Variants in COL24A1 observed in about 807,000 individuals in gnomAD.
COL24A1 encodes collagen type XXIV alpha 1 chain, also known as collagen alpha-1(XXIV) chain.
COL24A1 carries 224 observed loss-of-function variants against 253.9 expected under a neutral mutation model. The ratio of observed to expected loss-of-function variants is 0.88; its 90% CI spans 0.79 to 0.99. The LOEUF is 0.99. Among genes scored for constraint, COL24A1 ranks in the 50% least tolerant of loss-of-function variants. The pLI is 0.00. For synonymous variants in COL24A1, 685 were observed against 673.7 expected (o/e 1.02, Z -0.26); for missense variants, 2,131 against 2,068.5 (o/e 1.03, Z -0.59).
intron 14 of COL24A1, among the ~76,000 whole-genome samples, chr1:86,023,556 T>A (rs553806703): frequency 6.6e-6 from 1 of 152,160 alleles, no homozygotes; most frequent in Non-Finnish European, 1.5e-5. Context: ...TGGGCTTATC[T>A]CGTTTATTCA....
chr1:85,862,904 G>T (rs1255440821), intron 37 of COL24A1, among the ~76,000 whole-genome samples: 1 of 152,114 alleles, frequency 6.6e-6, no homozygotes, highest in Non-Finnish European at 1.5e-5. Flanking sequence ...AATTACCTTG[G>T]GCAATATGGC....
rs192020954 is a variant in COL24A1, at chr1:85,805,885, C to T, written c.3951+10903G>A. Reference sequence around the variant, plus strand: ...GGTCAGGAGATCGAGACCATCCTGGCGAACATAGTGAAACCCCGTCTCTAT... The same window carrying T: ...GGTCAGGAGATCGAGACCATCCTGGTGAACATAGTGAAACCCCGTCTCTAT... On this transcript the variant is annotated intron_variant, in intron 47 of 59. Transcript: ENST00000370571. Among the ~76,000 whole-genome samples the T allele has an allele frequency of 6.1e-4, 92 of 151,970 alleles. 1 individual carries two copies. Among genetic ancestry groups the T allele is most frequent in the Non-Finnish European group, 9.6e-4 (65 of 67,962 alleles).
intron 7 of COL24A1, among the ~76,000 whole-genome samples, chr1:86,065,270 C>T (rs1701384574): frequency 6.6e-6 from 1 of 152,078 alleles, no homozygotes; most frequent in African/African-American, 2.4e-5. Flanking sequence ...TAGCTACATG[C>T]TTGATTTTCT....
intron 2 of COL24A1, among the ~76,000 whole-genome samples, chr1:86,133,521 C>T (rs1192796165): frequency 6.6e-6 from 1 of 152,052 alleles, no homozygotes; most frequent in African/African-American, 2.4e-5. Context: ...TGAGAAACGT[C>T]CCATCAATAC....
chr1:86,134,495 A>C (rs1197796702), intron 2 of COL24A1, among the ~76,000 whole-genome samples: 1 of 140,126 alleles, frequency 7.1e-6, no homozygotes, highest in Admixed American at 7.2e-5. Context: ...TAGTGCTATA[A>C]ATTTCCCTCT....
intron 19 of COL24A1, among the ~76,000 whole-genome samples, chr1:85,995,267 T>C (rs687776): frequency 0.29 from 44,064 of 151,926 alleles, 6,681 homozygotes; most frequent in Middle Eastern, 0.4. Context: ...TTTTTTTTTT[T>C]TAGAGATGTG....
intron 31 of COL24A1, among the ~76,000 whole-genome samples, chr1:85,891,217 ATTTTTTTT>A (rs138122213): frequency 2.5e-4 from 32 of 127,108 alleles, no homozygotes; most frequent in African/African-American, 7.3e-4. Flanking sequence ...CGCCCGGCTA[ATTTTTTTT>A]TTTTTTTTTT....
intron 58 of COL24A1, 75 bp downstream of exon 58, chr1:85,737,321 G>T: frequency 2.6e-6 from 2 of 775,904 alleles, no homozygotes; most frequent in Non-Finnish European, 4.0e-6. Flanking sequence ...TATTTAAAAT[G>T]ATAGAATTTT....
intron 51 of COL24A1, among the ~76,000 whole-genome samples, chr1:85,783,248 C>G (rs1669315708): frequency 6.7e-6 from 1 of 150,368 alleles, no homozygotes; most frequent in Admixed American, 6.7e-5. Flanking sequence ...CCAGTCTTCA[C>G]AGTAATTCTG....
chr1:86,036,540 T>G (rs1317811209), intron 12 of COL24A1, among the ~76,000 whole-genome samples: 1 of 152,164 alleles, frequency 6.6e-6, no homozygotes, highest in Non-Finnish European at 1.5e-5. Context: ...TACCAATGTT[T>G]TATATTGTTG....
intron 3 of COL24A1, among the ~76,000 whole-genome samples, chr1:86,120,048 T>C (rs1366363057): frequency 6.6e-6 from 1 of 152,164 alleles, no homozygotes; most frequent in Non-Finnish European, 1.5e-5. Context: ...GAGAAAGGAT[T>C]CCCTATTTAA....
At chr1:86,050,245 G>A in intron 10 of COL24A1, 68 bp from the exon 11 acceptor site, 1 of 1,381,598 alleles carries the variant, frequency 7.2e-7, no homozygotes, top group Non-Finnish European at 1.0e-6. Context: ...ATTCTGAATA[G>A]AAGTACTTAA....
chr1:85,875,226 G>C, intron 34 of COL24A1, 51 bp downstream of exon 34: 1 of 1,466,538 alleles, frequency 6.8e-7, no homozygotes, highest in South Asian at 1.1e-5. Context: ...CAAATGTAGG[G>C]GGTTCAATGG....
intron 28 of COL24A1, among the ~76,000 whole-genome samples, chr1:85,901,824 C>CAAAAAAAAAAA (rs55862441): frequency 2.2e-4 from 13 of 57,792 alleles, no homozygotes; most frequent in Admixed American, 2.8e-4. Context: ...GACTCCGTCT[C>CAAAAAAAAAAA]AAAAAAAAAA....
At chr1:86,138,528 T>C (rs1317599803) in intron 2 of COL24A1, among the ~76,000 whole-genome samples, 4 of 152,288 alleles carry the variant, frequency 2.6e-5, no homozygotes, top group Admixed American at 2.6e-4. Flanking sequence ...TCACTAGATC[T>C]GATGGTTTTT....
intron 24 of COL24A1, chr1:85,960,676 A>G (rs1052148339): frequency 1.3e-5 from 2 of 152,496 alleles, no homozygotes; most frequent in African/African-American, 4.8e-5. Context: ...TCAGGCCAGG[A>G]GTTCGAGACT....
chr1:85,868,960 T>C, intron 35 of COL24A1, 125 bp from the exon 36 acceptor site: 1 of 594,076 alleles, frequency 1.7e-6, no homozygotes, highest in South Asian at 2.8e-5. Context: ...TACTACTTTA[T>C]TTCTAAAGAG....
chr1:85,755,387 A>G (rs1394549704), intron 55 of COL24A1, among the ~76,000 whole-genome samples: 1 of 152,224 alleles, frequency 6.6e-6, no homozygotes, highest in Non-Finnish European at 1.5e-5. Context: ...GTTACAATAT[A>G]GTAAATATAA....
chr1:85,816,761 G>C, intron 47 of COL24A1, 27 bp downstream of exon 47: 1 of 1,562,120 alleles, frequency 6.4e-7, no homozygotes, highest in Non-Finnish European at 8.8e-7. Flanking sequence ...AGGAAATAAT[G>C]AGCAAAGAGA....
Sources: allele counts gnomAD v4.1 joint callset (sites outside exome capture counted in the v4.1 genomes callset), GRCh38; gene constraint gnomAD v4.1.1; transcripts MANE v1.5; gene names NCBI Gene and HGNC (gene_info 2026-07-23, HGNC 2026-07-21).